The following IQGAP2 variants were observed in gnomAD, a reference collection of about 807,000 sequenced individuals.
IQGAP2 encodes ras GTPase-activating-like protein IQGAP2.
In IQGAP2, 173 loss-of-function variants were observed where a neutral mutation model predicts 201.3. That is an observed-to-expected ratio of 0.86 (90% CI 0.76 to 0.98). The LOEUF (loss-of-function observed/expected upper bound fraction) is 0.98, where lower values mean the gene tolerates loss of function less well. IQGAP2 is among the 50% of genes least tolerant of loss of function. IQGAP2 has a pLI of 0.00. For missense variants in IQGAP2, 1,687 were observed against 1,864.8 expected (o/e 0.90, Z 1.76); for synonymous variants, 675 against 673.9 (o/e 1.00, Z -0.03).
In IQGAP2 at chr5:76,403,356, A is replaced by G. The variant is rs963470969; in HGVS notation, c.-190A>G. ...GAGAGTTCACTTTTACTTCAGTGTC[A>G]GCGCGCGGCGGCCGTGGCTGGCTCT... On this transcript the variant is annotated 5_prime_UTR_variant, in exon 1 of 36. Transcript: ENST00000274364. The surrounding 1 kb of genome is among the most constrained non-coding windows in gnomAD (Gnocchi z 4.8). 4.9e-6 allele frequency: 2 copies of G among 411,796 alleles called. No individual in the cohort carries two copies. Among genetic ancestry groups the G allele is most frequent in the Non-Finnish European group, 8.4e-6 (2 of 237,006 alleles). 25.5% of individuals were successfully genotyped at this position (411,796 alleles called of 1,614,324 possible).
intron 2 of IQGAP2, among the ~76,000 whole-genome samples, chr5:76,548,703 C>G (rs1212651012): frequency 1.3e-5 from 2 of 152,170 alleles, no homozygotes; most frequent in Admixed American, 1.3e-4. Context: ...TGTGAGAATA[C>G]ATTCATATAA....
intron 2 of IQGAP2, among the ~76,000 whole-genome samples, chr5:76,505,414 G>A (rs1757558370): frequency 6.6e-6 from 1 of 152,224 alleles, no homozygotes; most frequent in Admixed American, 6.5e-5. Flanking sequence ...TTGAGGGAGA[G>A]ACAGTTGCTG....
At chr5:76,426,739 CA>C (rs1445585128) in intron 1 of IQGAP2, among the ~76,000 whole-genome samples, 4 of 152,136 alleles carry the variant, frequency 2.6e-5, no homozygotes, top group African/African-American at 9.7e-5. Context: ...TCTCACAGCC[CA>C]TGATTTTATA....
At chr5:76,580,387 C>T (rs543885480) in intron 5 of IQGAP2, among the ~76,000 whole-genome samples, 10 of 151,800 alleles carry the variant, frequency 6.6e-5, no homozygotes, top group Admixed American at 2.6e-4. Context: ...AAGCCAAGAT[C>T]GCGCCACTGC....
chr5:76,509,980 CTTTCT>C (rs1255421177), intron 2 of IQGAP2, among the ~76,000 whole-genome samples: 6 of 81,688 alleles, frequency 7.3e-5, no homozygotes, highest in Non-Finnish European at 2.4e-5. Context: ...GATTAATTTT[CTTTCT>C]TTTTTTTTTT....
chr5:76,701,361 C>G, intron 34 of IQGAP2, 148 bp downstream of exon 34: 1 of 751,826 alleles, frequency 1.3e-6, no homozygotes, highest in Admixed American at 2.3e-5. Context: ...GGCTACTCTT[C>G]CCTTGGCCTC....
chr5:76,704,207 G>A (rs902242272), intron 35 of IQGAP2, among the ~76,000 whole-genome samples: 87 of 152,306 alleles, frequency 5.7e-4, no homozygotes, highest in African/African-American at 2.0e-3. Context: ...GATAAATACA[G>A]GAAGAGAAAA....
At chr5:76,606,872 A>G (rs1014692113) in intron 12 of IQGAP2, 7 of 152,200 alleles carry the variant, frequency 4.6e-5, no homozygotes, top group African/African-American at 1.7e-4. Context: ...GCTTATGAAA[A>G]TAGAGTGAAG....
rs375113272 is a variant in IQGAP2 at position 76,631,834 on chromosome 5, A to G, written c.1613-25A>G. 36 of 1,531,578 alleles carry G rather than the reference A, an allele frequency of 2.4e-5. No homozygotes were observed. In the African/African-American group the frequency reaches 4.9e-4, roughly 21 times the overall value. The allele number at this position is 1,531,578 out of a possible 1,614,324, so 94.9% of individuals were successfully genotyped here. On this transcript the variant is annotated intron_variant, in intron 14 of 35. Coordinates refer to ENST00000274364, the MANE Select transcript of IQGAP2 (RefSeq NM_006633.5). ...AGTAAGTGGAAGATAACCATTAACA[A>G]GAAACTTTTTTTTCAATTACCCAGG...
intron 10 of IQGAP2, among the ~76,000 whole-genome samples, chr5:76,599,375 T>C (rs1387760986): frequency 2.0e-5 from 3 of 152,232 alleles, no homozygotes; most frequent in South Asian, 2.1e-4. Flanking sequence ...CTACTTATGC[T>C]TGAGGACACT....
intron 30 of IQGAP2, among the ~76,000 whole-genome samples, chr5:76,686,666 T>G (rs1361627584): frequency 6.6e-6 from 1 of 152,074 alleles, no homozygotes; most frequent in African/African-American, 2.4e-5. Flanking sequence ...TCTGCCACCA[T>G]GCCCAGCTAA....
At chr5:76,509,087 G>A (rs944166129) in intron 2 of IQGAP2, among the ~76,000 whole-genome samples, 10 of 112,914 alleles carry the variant, frequency 8.9e-5, no homozygotes, top group African/African-American at 2.7e-5. Flanking sequence ...ATGCTTGCGT[G>A]TGTGTGTATA....
At chr5:76,516,397 T>A (rs1472956700) in intron 2 of IQGAP2, among the ~76,000 whole-genome samples, 1 of 152,196 alleles carries the variant, frequency 6.6e-6, no homozygotes, top group South Asian at 2.1e-4. Flanking sequence ...TTTGTATTTG[T>A]TTCACTTATA....
intron 13 of IQGAP2, among the ~76,000 whole-genome samples, chr5:76,614,844 T>C (rs1394142216): frequency 6.6e-6 from 1 of 152,166 alleles, no homozygotes; most frequent in Non-Finnish European, 1.5e-5. Flanking sequence ...TGGAAAATAA[T>C]ATTAGAAAAT....
At chr5:76,478,470 C>T (rs1350298944) in intron 2 of IQGAP2, among the ~76,000 whole-genome samples, 2 of 152,176 alleles carry the variant, frequency 1.3e-5, no homozygotes, top group East Asian at 3.9e-4. Flanking sequence ...ACGGTAATGT[C>T]CTAGGGCTTC....
Position 76,658,800 on chromosome 5 carries a change from T to C in IQGAP2, c.2529+133T>C, listed in dbSNP as rs1742987608. ...TGATTTCATCCTGATGCAAACATCA[T>C]AGAGCACTTACCTAAACATAGATGG... On this transcript the variant is annotated intron_variant, in intron 21 of 35. Transcript: ENST00000274364. 1.7e-5 allele frequency: 13 copies of C among 786,440 alleles called. No homozygotes were observed. In the South Asian group the frequency reaches 1.9e-4, roughly 11 times the overall value. 48.7% of individuals were successfully genotyped at this position (786,440 alleles called of 1,614,324 possible). A position where few individuals can be genotyped will look rare whatever the true frequency, so the allele number is the denominator to read the frequency against.
At chr5:76,656,825 C>G (rs1323007443) in intron 20 of IQGAP2, among the ~76,000 whole-genome samples, 1 of 151,310 alleles carries the variant, frequency 6.6e-6, no homozygotes, top group Non-Finnish European at 1.5e-5. Context: ...TTATGGTAAC[C>G]AAAACATAAA....
At chr5:76,668,974 T>C (rs932900556) in intron 23 of IQGAP2, 130 bp downstream of exon 23, 7 of 553,830 alleles carry the variant, frequency 1.3e-5, no homozygotes, top group Non-Finnish European at 1.8e-5. Flanking sequence ...TATATCAAGT[T>C]TCTTGAGAAT....
chr5:76,618,594 T>G, intron 13 of IQGAP2: 1 of 1,614,032 alleles, frequency 6.2e-7, no homozygotes, highest in Non-Finnish European at 8.5e-7. Context: ...ACGAAAGGTC[T>G]TAATGGGTAA....
Sources: gnomAD v4.1 joint callset for allele counts (sites outside exome capture counted in the v4.1 genomes callset) on GRCh38, gnomAD v4.1.1 for gene constraint, Gnocchi (gnomAD v3.1) non-coding constraint, MANE v1.5 for transcripts, NCBI Gene and HGNC (gene_info 2026-07-23, HGNC 2026-07-21) for gene names.